ZZZ3: variants seen among roughly 807,000 people sequenced by gnomAD.
ZZZ3 encodes ZZ-type zinc finger-containing protein 3.
In ZZZ3, 22 loss-of-function variants were observed where a neutral mutation model predicts 95.2. That is an observed-to-expected ratio of 0.23 (90% CI 0.17 to 0.33). ZZZ3 has a LOEUF of 0.33. ZZZ3 is among the 10% of genes least tolerant of loss of function. The pLI is 1.00. For synonymous variants in ZZZ3, 335 were observed against 358.9 expected (o/e 0.93, Z 0.75); for missense variants, 885 against 1,066.5 (o/e 0.83, Z 2.37).
chr1:77,671,052 T>C (rs1272166684), intron 1 of ZZZ3, among the ~76,000 whole-genome samples: 2 of 151,562 alleles, frequency 1.3e-5, no homozygotes, highest in African/African-American at 2.4e-5. Context: ...AAAAAACTTC[T>C]GTGAGGACAT....
chr1:77,629,611 G>A (rs574755784), intron 5 of ZZZ3, among the ~76,000 whole-genome samples: 2 of 152,268 alleles, frequency 1.3e-5, no homozygotes, highest in Non-Finnish European at 2.9e-5. Flanking sequence ...GGGTGGCAGA[G>A]TGAGACTCTG....
chr1:77,679,326 G>A (rs1488702993), intron 1 of ZZZ3, among the ~76,000 whole-genome samples: 2 of 152,082 alleles, frequency 1.3e-5, no homozygotes, highest in Non-Finnish European at 2.9e-5. Context: ...TTTTGACACA[G>A]GGTCTCACTC....
intron 5 of ZZZ3, among the ~76,000 whole-genome samples, chr1:77,612,465 A>C (rs999544162): frequency 6.6e-6 from 1 of 152,054 alleles, no homozygotes; most frequent in Non-Finnish European, 1.5e-5. Context: ...AGATGCCCAG[A>C]GGCATAAAGA....
chr1:77,649,076 G>A (rs955574371), intron 1 of ZZZ3, among the ~76,000 whole-genome samples: 17 of 152,118 alleles, frequency 1.1e-4, no homozygotes, highest in African/African-American at 2.2e-4. Flanking sequence ...GTAATGAGCC[G>A]AGATTGCACC....
chr1:77,676,457 T>C (rs1672279617), intron 1 of ZZZ3, among the ~76,000 whole-genome samples: 1 of 152,214 alleles, frequency 6.6e-6, no homozygotes, highest in African/African-American at 2.4e-5. Context: ...CATGAGCCAC[T>C]GTGGCCAGCA....
At chr1:77,662,584 AC>A (rs916304134) in intron 1 of ZZZ3, among the ~76,000 whole-genome samples, 46 of 152,324 alleles carry the variant, frequency 3.0e-4, no homozygotes, top group African/African-American at 1.0e-3. Context: ...AGAAATTCAA[AC>A]TGAGGGACAC....
At chr1:77,611,855 A>G (rs1665844608) in intron 5 of ZZZ3, among the ~76,000 whole-genome samples, 1 of 152,040 alleles carries the variant, frequency 6.6e-6, no homozygotes, top group Admixed American at 6.6e-5. Context: ...ACCTAAATAT[A>G]AGACCCAAAA....
intron 1 of ZZZ3, among the ~76,000 whole-genome samples, chr1:77,651,338 C>T (rs754641382): frequency 1.3e-5 from 2 of 152,058 alleles, no homozygotes; most frequent in Non-Finnish European, 2.9e-5. Context: ...AAGATCACGC[C>T]ACTGCACCCC....
At position 77,565,444 on chromosome 1, in the gene ZZZ3, G is replaced by T. The variant is rs1035428962; in HGVS notation, c.*196C>A. ...TCACCAGGGAAACCTTTGCTCACCA[G>T]GAATGTTCAGCTGCTGAACAGTGAT... On this transcript the variant is annotated 3_prime_UTR_variant, in exon 15 of 15. Transcript: ENST00000370801. The T allele has an allele frequency of 1.2e-5, 6 of 496,562 alleles. No individual in the cohort carries two copies. The highest frequency in any genetic ancestry group is 1.0e-4 in the African/African-American group (5 of 49,992). 30.8% of individuals were successfully genotyped at this position (496,562 alleles called of 1,614,324 possible). A position where few individuals can be genotyped will look rare whatever the true frequency, so the allele number is the denominator to read the frequency against.
intron 1 of ZZZ3, among the ~76,000 whole-genome samples, chr1:77,662,340 C>T (rs1410769266): frequency 6.6e-6 from 1 of 151,814 alleles, no homozygotes; most frequent in Non-Finnish European, 1.5e-5. Flanking sequence ...GACAAGTTCT[C>T]GCTATGTTGC....
intron 3 of ZZZ3, chr1:77,640,815 A>T (rs921739987): frequency 1.3e-5 from 2 of 152,176 alleles, no homozygotes; most frequent in African/African-American, 4.8e-5. Flanking sequence ...AAAATCTTGT[A>T]ATTACTAGGC....
chr1:77,569,978 A>C (rs1190522825), intron 12 of ZZZ3, among the ~76,000 whole-genome samples: 1 of 152,220 alleles, frequency 6.6e-6, no homozygotes, highest in Non-Finnish European at 1.5e-5. Context: ...CGGACCAGAC[A>C]AGCCCTACCC....
At position 77,564,190 on chromosome 1, in the gene ZZZ3, A is replaced by T. The variant is rs989470697; in HGVS notation, c.*1450T>A. On this transcript the variant is annotated 3_prime_UTR_variant, in exon 15 of 15. Coordinates refer to ENST00000370801, the MANE Select transcript of ZZZ3 (RefSeq NM_015534.6). Reference sequence around the variant, plus strand: ...TTCATGAGACACAACTAGAAAAAAAATTTTCAACTTTAGTTTTCACACCTG... The same window carrying T: ...TTCATGAGACACAACTAGAAAAAAATTTTTCAACTTTAGTTTTCACACCTG... The T allele has an allele frequency of 1.3e-5, 2 of 152,084 alleles. No homozygotes were observed. Among genetic ancestry groups the T allele is most frequent in the Non-Finnish European group, 2.9e-5 (2 of 67,982 alleles). The allele number at this position is 152,084 out of a possible 1,614,324, so 9.4% of individuals were successfully genotyped here.
At chr1:77,576,252 A>T in intron 11 of ZZZ3, 32 bp from the exon 12 acceptor site, 1 of 1,540,714 alleles carries the variant, frequency 6.5e-7, no homozygotes, top group Non-Finnish European at 8.7e-7. Flanking sequence ...TAATTGGTTC[A>T]GTGAAAAATC....
chr1:77,594,851 A>G (rs1209325889), intron 5 of ZZZ3, among the ~76,000 whole-genome samples: 1 of 151,680 alleles, frequency 6.6e-6, no homozygotes, highest in African/African-American at 2.4e-5. Flanking sequence ...CTACATAAAC[A>G]AAAAATATGG....
intron 5 of ZZZ3, among the ~76,000 whole-genome samples, chr1:77,593,794 G>A (rs1048153622): frequency 9.2e-5 from 14 of 152,046 alleles, no homozygotes; most frequent in Non-Finnish European, 1.0e-4. Flanking sequence ...GTTACAAAGA[G>A]ATCACCTGCA....
chr1:77,599,774 A>G (rs914228499), intron 5 of ZZZ3, among the ~76,000 whole-genome samples: 1 of 152,128 alleles, frequency 6.6e-6, no homozygotes, highest in South Asian at 2.1e-4. Context: ...TTTTTAAAAA[A>G]ATTAAATGTA....
chr1:77,662,857 C>T (rs925216005), intron 1 of ZZZ3, among the ~76,000 whole-genome samples: 43 of 152,246 alleles, frequency 2.8e-4, no homozygotes, highest in African/African-American at 1.0e-3. Flanking sequence ...GTAATCTCAA[C>T]ACTTTGGGAG....
intron 9 of ZZZ3, 27 bp downstream of exon 9, chr1:77,580,971 C>T (rs749685309): frequency 4.4e-6 from 7 of 1,595,190 alleles, no homozygotes; most frequent in Non-Finnish European, 6.0e-6. Context: ...TTTTTTTAAG[C>T]CTACACGATT....
Sources: allele counts gnomAD v4.1 joint callset (sites outside exome capture counted in the v4.1 genomes callset), GRCh38; gene constraint gnomAD v4.1.1; transcripts MANE v1.5; gene names NCBI Gene and HGNC (gene_info 2026-07-23, HGNC 2026-07-21).